TMED3: variants seen among roughly 807,000 people sequenced by gnomAD.
The protein encoded by TMED3 is transmembrane p24 trafficking protein 3.
In TMED3, 9 loss-of-function variants were observed where a neutral mutation model predicts 15.0. The ratio of observed to expected loss-of-function variants is 0.60; its 90% CI spans 0.36 to 1.04. The LOEUF (loss-of-function observed/expected upper bound fraction) is 1.04, where lower values mean the gene tolerates loss of function less well. TMED3 is among the 50% of genes least tolerant of loss of function. The pLI is 0.01. For missense variants in TMED3, 267 were observed against 278.9 expected, an observed-to-expected ratio of 0.96 and a Z score of 0.30; for synonymous variants, 117 against 121.4, an observed-to-expected ratio of 0.96 and a Z score of 0.24.
chr15:79,323,619 T>C (rs1039735506), downstream of TMED3, among the ~76,000 whole-genome samples: 8 of 152,216 alleles, frequency 5.3e-5, no homozygotes, highest in Admixed American at 4.6e-4. Context: ...TCTGGAATGT[T>C]CTCTACCTGC....
chr15:79,357,464 CAAA>C lies in TMED3; in HGVS notation c.417+43478_417+43480del, dbSNP rs59897659. 2.6e-4 allele frequency among the ~76,000 whole-genome samples: 23 copies of C among 87,716 alleles called. No individual in the cohort carries two copies. In the Middle Eastern group the frequency reaches 0.028, roughly 106 times the overall value. 57.5% of individuals were successfully genotyped at this position (87,716 alleles called of 152,430 possible). ...TGTGCCACTGCACTCCACCCTGCCT[CAAA>C]AAAAAAAAAAAAAAAAAAGCAAGCA... is the stretch of plus-strand genomic sequence containing the variant. On this transcript the variant is annotated intron_variant, in intron 2 of 2. Transcript: ENST00000424155.
At chr15:79,400,197 T>C (rs1337422738) in intron 2 of TMED3, among the ~76,000 whole-genome samples, 2 of 152,346 alleles carry the variant, frequency 1.3e-5, no homozygotes, top group East Asian at 1.9e-4. Flanking sequence ...CTCACAGCAC[T>C]GGTCCCTCCT....
rs145450359 is a variant in TMED3, at chr15:79,345,644, T to A, written c.417+31639T>A. On this transcript the variant is annotated intron_variant, in intron 2 of 2. Coordinates refer to the TMED3 transcript ENST00000424155. ...CATGTGTCTTTATAACGAAACAATT[T>A]ATATTCCTTTGGGTATATGCCCAGT... 8.5e-5 allele frequency among the ~76,000 whole-genome samples: 13 copies of A among 152,360 alleles called. No individual in the cohort carries two copies. In the East Asian group the frequency reaches 2.5e-3, roughly 29 times the overall value.
At chr15:79,393,840 T>A (rs1380459518) in intron 2 of TMED3, among the ~76,000 whole-genome samples, 1 of 152,072 alleles carries the variant, frequency 6.6e-6, no homozygotes, top group African/African-American at 2.4e-5. Context: ...GGACCGCAGG[T>A]GCATGCCACC....
At chr15:79,399,508 G>C (rs941093811) in intron 2 of TMED3, among the ~76,000 whole-genome samples, 1 of 152,172 alleles carries the variant, frequency 6.6e-6, no homozygotes, top group Non-Finnish European at 1.5e-5. Flanking sequence ...TGGGAGTTTT[G>C]GGTCTGGAGA....
chr15:79,382,321 C>A (rs1893549773), intron 2 of TMED3, among the ~76,000 whole-genome samples: 1 of 152,194 alleles, frequency 6.6e-6, no homozygotes, highest in Admixed American at 6.5e-5. Flanking sequence ...CTGGAAGGAA[C>A]TTTCTAGGGA....
At chr15:79,359,457 A>G (rs1052461631) in intron 2 of TMED3, among the ~76,000 whole-genome samples, 1 of 151,880 alleles carries the variant, frequency 6.6e-6, no homozygotes, top group African/African-American at 2.4e-5. Flanking sequence ...CGAACTCCTG[A>G]CCTCAAGTGA....
intron 2 of TMED3, among the ~76,000 whole-genome samples, chr15:79,348,042 TTAAG>T (rs1413369501): frequency 3.9e-5 from 6 of 152,142 alleles, no homozygotes; most frequent in Non-Finnish European, 8.8e-5. Flanking sequence ...TTGTGGGAAA[TTAAG>T]ATGATAAGAG....
chr15:79,340,784 T>G (rs2058848796), intron 2 of TMED3, among the ~76,000 whole-genome samples: 1 of 152,184 alleles, frequency 6.6e-6, no homozygotes, highest in Non-Finnish European at 1.5e-5. Flanking sequence ...GAAAAATACA[T>G]CATTCCTTCA....
At chr15:79,397,779 C>A (rs937157044) in intron 2 of TMED3, among the ~76,000 whole-genome samples, 2 of 152,146 alleles carry the variant, frequency 1.3e-5, no homozygotes, top group Non-Finnish European at 2.9e-5. Flanking sequence ...AGAGTTCTAT[C>A]CAGATGACAT....
At chr15:79,396,398 T>G (rs1466298920) in intron 2 of TMED3, among the ~76,000 whole-genome samples, 1 of 152,276 alleles carries the variant, frequency 6.6e-6, no homozygotes, top group African/African-American at 2.4e-5. Flanking sequence ...TTTAAATGGC[T>G]GGGGGCTAGA....
intron 2 of TMED3, among the ~76,000 whole-genome samples, chr15:79,382,156 T>G (rs1419356712): frequency 1.3e-5 from 2 of 152,124 alleles, no homozygotes; most frequent in African/African-American, 4.8e-5. Flanking sequence ...CTCTCGGCAG[T>G]CCTCAGCAAC....
chr15:79,396,528 G>A (rs1483666418), intron 2 of TMED3, among the ~76,000 whole-genome samples: 2 of 152,214 alleles, frequency 1.3e-5, no homozygotes, highest in Non-Finnish European at 2.9e-5. Context: ...TCAACGCATG[G>A]TAATCTCAGG....
intron 2 of TMED3, among the ~76,000 whole-genome samples, chr15:79,396,166 G>T (rs1460409373): frequency 6.6e-6 from 1 of 152,040 alleles, no homozygotes; most frequent in Non-Finnish European, 1.5e-5. Flanking sequence ...CTTCTTTCTG[G>T]TTCCATCAGT....
intron 2 of TMED3, among the ~76,000 whole-genome samples, chr15:79,385,886 T>C (rs1244696321): frequency 6.6e-6 from 1 of 152,210 alleles, no homozygotes; most frequent in Non-Finnish European, 1.5e-5. Context: ...GCCTCTGCCA[T>C]CATTAGGTAC....
intron 2 of TMED3, among the ~76,000 whole-genome samples, chr15:79,353,306 AT>A (rs2058904265): frequency 8.7e-5 from 3 of 34,392 alleles, no homozygotes; most frequent in East Asian, 7.4e-4. Context: ...TATTATATAT[AT>A]TATATATATA....
chr15:79,314,577 G>C (rs1014363018), intron 2 of TMED3: 3 of 455,530 alleles, frequency 6.6e-6, no homozygotes, highest in Non-Finnish European at 1.3e-5. Context: ...GCCAAAGGAA[G>C]AGAGAATGAG....
At position 79,392,582 on chromosome 15, in the gene TMED3, T is replaced by C. The variant is rs186120423; in HGVS notation, c.418-18818T>C. The stretch of plus-strand genomic sequence containing the variant: ...AACCTGATGACGATGTGCCCAGGCT[T>C]CTACTTTTTGAATACAGTAGGCTAG... On this transcript the variant is annotated intron_variant, in intron 2 of 2. Transcript: ENST00000424155. 4.6e-5 allele frequency among the ~76,000 whole-genome samples: 7 copies of C among 152,300 alleles called. No homozygotes were observed. The East Asian group carries it at 1.3e-3, about 29-fold the overall frequency.
Position 79,313,917 on chromosome 15 carries a change from C to T in TMED3, c.329C>T (p.Ser110Phe), listed in dbSNP as rs761812505. The T allele has an allele frequency of 1.9e-6, 3 of 1,614,208 alleles. No homozygotes were observed. Among genetic ancestry groups the T allele is most frequent in the Non-Finnish European group, 2.5e-6 (3 of 1,180,040 alleles). Residue 110 changes from serine (S) to phenylalanine (F), a missense_variant, in exon 2 of 3, where the codon TCT becomes TTT. Ser to Phe is a radical substitution (Grantham distance 155). Around this residue, in one of 3 missense-constraint regions of TMED3, gnomAD observed 69 missense variants for 106.8 expected, o/e 0.65. Coordinates refer to ENST00000299705, the MANE Select transcript of TMED3 (RefSeq NM_007364.4). ...TTCAGTAATGAGTTTTCCACCTTCT[C>T]TCACAAGACCGTCTACTTTGACTTT... ...FCFSNEFSTF[S>F]HKTVYFDFQV...
Sources: allele counts gnomAD v4.1 joint callset (sites outside exome capture counted in the v4.1 genomes callset), GRCh38; gene constraint gnomAD v4.1.1; regional missense constraint gnomAD v4.1.1; transcripts MANE v1.5; gene names NCBI Gene and HGNC (gene_info 2026-07-23, HGNC 2026-07-21).